Variants in EPHB2 observed in about 807,000 individuals in gnomAD.
The protein encoded by EPHB2 is EPH receptor B2.
EPHB2 carries 18 observed loss-of-function variants against 96.4 expected under a neutral mutation model. That is an observed-to-expected ratio of 0.19 (90% CI 0.13 to 0.28). The LOEUF is 0.28. EPHB2 is among the 10% of genes least tolerant of loss of function. EPHB2 has a pLI of 1.00. For synonymous variants in EPHB2, 506 were observed against 534.1 expected (o/e 0.95, Z 0.72); for missense variants, 989 against 1,355.4 (o/e 0.73, Z 4.25).
At chr1:22,818,754 G>C (rs984442311) in intron 3 of EPHB2, among the ~76,000 whole-genome samples, 1 of 151,956 alleles carries the variant, frequency 6.6e-6, no homozygotes, top group Non-Finnish European at 1.5e-5. Flanking sequence ...CCGTTTATCC[G>C]TCAGGTCTCA....
At chr1:22,849,256 A>T (rs1645588548) in intron 3 of EPHB2, among the ~76,000 whole-genome samples, 1 of 152,140 alleles carries the variant, frequency 6.6e-6, no homozygotes, top group Admixed American at 6.5e-5. Context: ...ACTTTTGCAG[A>T]AAGGCCTTTT....
intron 1 of EPHB2, among the ~76,000 whole-genome samples, chr1:22,770,711 T>C (rs972298244): frequency 1.3e-5 from 2 of 152,168 alleles, no homozygotes; most frequent in Admixed American, 1.3e-4. Flanking sequence ...GTTGGGCAGG[T>C]TACTTAACCT....
At chr1:22,885,148 G>A (rs966862853) in intron 6 of EPHB2, among the ~76,000 whole-genome samples, 3 of 152,148 alleles carry the variant, frequency 2.0e-5, no homozygotes, top group African/African-American at 7.2e-5. Context: ...CAAACCAGCC[G>A]CTCCCAGGCT....
chr1:22,764,407 C>T (rs148230370), intron 1 of EPHB2, among the ~76,000 whole-genome samples: 59 of 152,274 alleles, frequency 3.9e-4, no homozygotes, highest in African/African-American at 1.4e-3. Flanking sequence ...GAAAGGGAAG[C>T]TCAAGACTTG....
At chr1:22,817,472 A>G (rs1645091048) in intron 3 of EPHB2, among the ~76,000 whole-genome samples, 1 of 152,204 alleles carries the variant, frequency 6.6e-6, no homozygotes, top group Non-Finnish European at 1.5e-5. Context: ...CTTTTTAGTC[A>G]TATGGACCAT....
intron 1 of EPHB2, among the ~76,000 whole-genome samples, chr1:22,745,607 T>C (rs1420542526): frequency 2.6e-5 from 4 of 152,178 alleles, no homozygotes; most frequent in African/African-American, 9.7e-5. Context: ...CTCCCCACTT[T>C]CTAATGGTTT....
chr1:22,744,628 A>T (rs1334605446), intron 1 of EPHB2, among the ~76,000 whole-genome samples: 1 of 128,556 alleles, frequency 7.8e-6, no homozygotes, highest in Non-Finnish European at 1.6e-5. Flanking sequence ...GCAGTGAGTT[A>T]TGATGGCCCA....
rs200529698 is a variant in EPHB2 at position 22,800,723 on chromosome 1, T to TGC, written c.811+15648_811+15649dup. On this transcript the variant is annotated intron_variant, in intron 3 of 15. Transcript: ENST00000374630. ...GTATATGTGTGTGTGTGTGTGTGTGTGCACGCACATGGCTGGATCAATTTG... is the reference window on the plus strand; with the variant it reads ...GTATATGTGTGTGTGTGTGTGTGTGTGCGCACGCACATGGCTGGATCAATTTG... Among the ~76,000 whole-genome samples, 1,502 of 151,398 alleles carry TGC rather than the reference T, an allele frequency of 9.9e-3. 9 individuals are homozygous for TGC. The highest frequency in any genetic ancestry group is 0.019 in the African/African-American group (791 of 41,162).
chr1:22,741,727 G>A (rs1643907442), intron 1 of EPHB2, among the ~76,000 whole-genome samples: 1 of 144,390 alleles, frequency 6.9e-6, no homozygotes, highest in Non-Finnish European at 1.5e-5. Flanking sequence ...CGTTGGCTCT[G>A]GCTCAGTGCA....
chr1:22,724,925 C>A (rs1379879412), intron 1 of EPHB2, among the ~76,000 whole-genome samples: 1 of 152,224 alleles, frequency 6.6e-6, no homozygotes, highest in East Asian at 1.9e-4. Flanking sequence ...CCTGGGTACC[C>A]TTTTCACCAT....
chr1:22,796,065 T>C (rs1644762915), intron 3 of EPHB2, among the ~76,000 whole-genome samples: 1 of 152,120 alleles, frequency 6.6e-6, no homozygotes, highest in South Asian at 2.1e-4. Context: ...AACAAGTATT[T>C]ATTGAGCACC....
rs1225367220 is a variant in EPHB2, at chr1:22,870,167, C to A, written c.1303+4955C>A. On this transcript the variant is annotated intron_variant, in intron 5 of 15. Coordinates refer to ENST00000374630, the MANE Select transcript of EPHB2 (RefSeq NM_017449.5). ...AAAAGGAAAAAGTGTTTCTTCTGGG[C>A]AAGTGACTGGGCCTTGCTCGCAATC... is the stretch of plus-strand genomic sequence containing the variant. Among the ~76,000 whole-genome samples, 5 of 152,172 alleles carry A rather than the reference C, an allele frequency of 3.3e-5. No homozygotes were observed. The South Asian group carries it at 1.0e-3, about 32-fold the overall frequency.
Position 22,741,696 on chromosome 1 carries a change from A to AAAAAC in EPHB2, c.61+30653_61+30654insAAAAC, listed in dbSNP as rs55743842. On this transcript the variant is annotated intron_variant, in intron 1 of 15. Transcript: ENST00000374630. Reference sequence around the variant, plus strand: ...CTTCCCAGCAAAAAAAAACAAAAAAACAAAAAACCTCAGTTTCTCACGTTG... The same window carrying AAAAAC: ...CTTCCCAGCAAAAAAAAACAAAAAAAAAAACCAAAAAACCTCAGTTTCTCACGTTG... Among the ~76,000 whole-genome samples, 24 of 137,380 alleles carry AAAAAC rather than the reference A, an allele frequency of 1.7e-4. 4 individuals carry two copies. The highest frequency in any genetic ancestry group is 2.4e-4 in the South Asian group (1 of 4,176). 90.1% of individuals were successfully genotyped at this position (137,380 alleles called of 152,430 possible).
chr1:22,720,186 G>C (rs1188261579), intron 1 of EPHB2, among the ~76,000 whole-genome samples: 5 of 152,222 alleles, frequency 3.3e-5, no homozygotes, highest in Non-Finnish European at 5.9e-5. Context: ...TAAGGGCTGG[G>C]CTCTAATGTC....
Position 22,785,046 on chromosome 1 carries a change from G to C in EPHB2, c.781G>C (p.Glu261Gln), listed in dbSNP as rs749647994. 2 of 1,613,640 alleles carry C rather than the reference G, an allele frequency of 1.2e-6. No individual in the cohort carries two copies. The highest frequency in any genetic ancestry group is 2.2e-5 in the South Asian group (2 of 91,088). ...IGRCMCKAGFEAVENGTVCRG... is the reference protein window; with the variant it reads ...IGRCMCKAGFQAVENGTVCRG... ...GCGCTGCATGTGCAAAGCAGGCTTC[G>C]AGGCCGTTGAGAATGGCACCGTCTG... Residue 261 changes from glutamate (E) to glutamine (Q), a missense_variant, in exon 3 of 16, where the codon GAG becomes CAG. Transcript: ENST00000374630.
intron 3 of EPHB2, among the ~76,000 whole-genome samples, chr1:22,824,622 A>G (rs1645197316): frequency 6.6e-6 from 1 of 152,276 alleles, no homozygotes; most frequent in Non-Finnish European, 1.5e-5. Flanking sequence ...CTGTTTACTC[A>G]GCTCCAGAAT....
intron 1 of EPHB2, among the ~76,000 whole-genome samples, chr1:22,779,906 C>G (rs1420835623): frequency 1.3e-5 from 2 of 152,194 alleles, no homozygotes; most frequent in Non-Finnish European, 2.9e-5. Flanking sequence ...AACAAGCATA[C>G]CTCTCACCCA....
At chr1:22,732,092 C>T (rs1643730163) in intron 1 of EPHB2, among the ~76,000 whole-genome samples, 1 of 152,194 alleles carries the variant, frequency 6.6e-6, no homozygotes, top group African/African-American at 2.4e-5. Flanking sequence ...GCTGTGTGAC[C>T]TCAGCTTGGG....
At chr1:22,730,558 G>A (rs894931661) in intron 1 of EPHB2, among the ~76,000 whole-genome samples, 3 of 152,024 alleles carry the variant, frequency 2.0e-5, no homozygotes. Context: ...GGGCCAGCGA[G>A]AGGAGGGATC....
Sources: allele counts gnomAD v4.1 joint callset (sites outside exome capture counted in the v4.1 genomes callset), GRCh38; gene constraint gnomAD v4.1.1; transcripts MANE v1.5; gene names NCBI Gene and HGNC (gene_info 2026-07-23, HGNC 2026-07-21).